Variants in ABL2 observed in about 807,000 individuals in gnomAD.
ABL2 encodes tyrosine-protein kinase ABL2.
Under a neutral mutation model 107.7 loss-of-function variants are expected in ABL2, and 49 were observed. The ratio of observed to expected loss-of-function variants is 0.45; its 90% CI spans 0.36 to 0.58. The LOEUF is 0.58. Ranked by LOEUF, ABL2 falls within the 20% of genes least tolerant of loss-of-function variation. The pLI is 0.00. For missense variants in ABL2, 1,245 were observed against 1,457.0 expected (o/e 0.85, Z 2.37); for synonymous variants, 549 against 548.6 (o/e 1.00, Z -0.01).
intron 1 of ABL2, among the ~76,000 whole-genome samples, chr1:179,228,379 A>G (rs990212408): frequency 1.3e-5 from 2 of 152,106 alleles, no homozygotes; most frequent in Admixed American, 6.5e-5. Context: ...AAACAAAAAA[A>G]CAAGACAAAA....
At chr1:179,173,978 G>A (rs1659878141) in intron 1 of ABL2, among the ~76,000 whole-genome samples, 1 of 152,192 alleles carries the variant, frequency 6.6e-6, no homozygotes, top group Admixed American at 6.5e-5. Context: ...GTATGATATT[G>A]TTACTTGCAA....
intron 1 of ABL2, among the ~76,000 whole-genome samples, chr1:179,157,882 T>C (rs1235275143): frequency 1.3e-5 from 2 of 152,090 alleles, no homozygotes; most frequent in Non-Finnish European, 2.9e-5. Context: ...AATTACAGAA[T>C]CTTTAAGCAT....
At position 179,102,269 on chromosome 1, in the gene ABL2, C is replaced by A. The variant is rs767430549; in HGVS notation, c.*5449G>T. The A allele has an allele frequency of 8.9e-5, 16 of 180,298 alleles. No homozygotes were observed. Among genetic ancestry groups the A allele is most frequent in the Admixed American group, 7.6e-4 (12 of 15,888 alleles). 11.2% of individuals were successfully genotyped at this position (180,298 alleles called of 1,614,324 possible). The stretch of plus-strand genomic sequence containing the variant: ...CTCGTGATCCACCCGCCTCAGCCCC[C>A]CAAAGTGCTGGGATTACAGGCGTGA... On this transcript the variant is annotated 3_prime_UTR_variant, in exon 12 of 12. Transcript: ENST00000502732.
intron 4 of ABL2, among the ~76,000 whole-genome samples, chr1:179,122,075 C>T (rs796751379): frequency 2.0e-5 from 3 of 151,130 alleles, no homozygotes; most frequent in South Asian, 2.1e-4. Context: ...TATAGGCGCC[C>T]GCCACCATGC....
chr1:179,136,262 T>C (rs1265763188), intron 1 of ABL2, among the ~76,000 whole-genome samples: 1 of 151,374 alleles, frequency 6.6e-6, no homozygotes, highest in Non-Finnish European at 1.5e-5. Context: ...TTTTGTGGAA[T>C]AGAAAGGGGG....
At chr1:179,195,104 A>G (rs896170036) in intron 1 of ABL2, among the ~76,000 whole-genome samples, 1 of 152,140 alleles carries the variant, frequency 6.6e-6, no homozygotes, top group Non-Finnish European at 1.5e-5. Flanking sequence ...CCTGGCCAAC[A>G]AGGTGAAACC....
intron 1 of ABL2, among the ~76,000 whole-genome samples, chr1:179,148,788 T>C (rs1164394304): frequency 6.6e-6 from 1 of 151,222 alleles, no homozygotes; most frequent in East Asian, 2.0e-4. Context: ...TAATCCCAGC[T>C]ACTCAGGAGG....
intron 1 of ABL2, among the ~76,000 whole-genome samples, chr1:179,204,804 A>G (rs1360480786): frequency 6.6e-6 from 1 of 152,066 alleles, no homozygotes; most frequent in Non-Finnish European, 1.5e-5. Context: ...AGACCAACTG[A>G]TAACTTATTT....
At chr1:179,137,760 T>C (rs1278896579) in intron 1 of ABL2, 1 of 152,202 alleles carries the variant, frequency 6.6e-6, no homozygotes, top group African/African-American at 2.4e-5. Flanking sequence ...AGGACAGTGA[T>C]GCAATATTGA....
At chr1:179,203,214 T>C (rs1163933393) in intron 1 of ABL2, among the ~76,000 whole-genome samples, 2 of 152,258 alleles carry the variant, frequency 1.3e-5, no homozygotes, top group African/African-American at 2.4e-5. Context: ...TTATATTTTT[T>C]CTATTTCCTA....
rs750118583 is a variant in ABL2 at position 179,110,420 on chromosome 1, A to G, written c.1687T>C (p.Ser563Pro). 2 of 1,613,826 alleles carry G rather than the reference A, an allele frequency of 1.2e-6. No individual in the cohort carries two copies. The highest frequency in any genetic ancestry group is 2.7e-5 in the African/African-American group (2 of 74,904). ...CGGGGCAGGTATGGAACAACAGATG[A>G]CGAGGAGGCGGCTCTCCCAAGCTCC... ...AEELGRAASSSSVVPYLPRLP... is the reference protein window; with the variant it reads ...AEELGRAASSPSVVPYLPRLP... The change falls in exon 11 of 12, where the codon TCA becomes CCA. Residue 563 changes from serine (S) to proline (P), a missense_variant. By Grantham distance (74) the Ser-to-Pro change is moderately conservative (BLOSUM62 -1). Coordinates refer to ENST00000502732, the MANE Select transcript of ABL2 (RefSeq NM_007314.4).
chr1:179,127,296 A>G (rs1476375492), intron 3 of ABL2, among the ~76,000 whole-genome samples: 2 of 152,236 alleles, frequency 1.3e-5, no homozygotes, highest in Non-Finnish European at 2.9e-5. Flanking sequence ...CCAAAACACA[A>G]TCCCTTCCAG....
At chr1:179,135,271 C>T (rs1377819389) in intron 1 of ABL2, among the ~76,000 whole-genome samples, 1 of 151,456 alleles carries the variant, frequency 6.6e-6, no homozygotes, top group Admixed American at 6.6e-5. Context: ...GCCGCCATCC[C>T]ATCTAGGAAG....
chr1:179,195,837 C>G (rs1661278552), intron 1 of ABL2, among the ~76,000 whole-genome samples: 1 of 152,104 alleles, frequency 6.6e-6, no homozygotes, highest in South Asian at 2.1e-4. Context: ...AGTAGTCAAA[C>G]TCATAAAGGC....
intron 1 of ABL2, among the ~76,000 whole-genome samples, chr1:179,180,891 C>G (rs1660340185): frequency 6.6e-6 from 1 of 152,130 alleles, no homozygotes; most frequent in Non-Finnish European, 1.5e-5. Flanking sequence ...TCCAAGTCCG[C>G]CCCCTACCAC....
At chr1:179,213,173 TA>T (rs965343539) in intron 1 of ABL2, among the ~76,000 whole-genome samples, 1 of 152,072 alleles carries the variant, frequency 6.6e-6, no homozygotes, top group Admixed American at 6.5e-5. Context: ...AAATATTATT[TA>T]AAACATGTAA....
chr1:179,163,021 A>G (rs1403730861), intron 1 of ABL2, among the ~76,000 whole-genome samples: 2 of 152,232 alleles, frequency 1.3e-5, no homozygotes, highest in Non-Finnish European at 2.9e-5. Context: ...CTGTTGGTAC[A>G]AAGCCCAAGC....
intron 3 of ABL2, among the ~76,000 whole-genome samples, chr1:179,128,784 A>G (rs1026895485): frequency 2.0e-5 from 3 of 152,210 alleles, no homozygotes; most frequent in African/African-American, 7.2e-5. Context: ...CTCAGGCTCA[A>G]GTGATCCTCA....
intron 1 of ABL2, chr1:179,137,725 C>T (rs1417719884): frequency 6.6e-6 from 1 of 152,132 alleles, no homozygotes; most frequent in Non-Finnish European, 1.5e-5. Context: ...GTTTACAAAA[C>T]AGTAATTTGA....
Sources: gnomAD v4.1 joint callset for allele counts (sites outside exome capture counted in the v4.1 genomes callset) on GRCh38, gnomAD v4.1.1 for gene constraint, MANE v1.5 for transcripts, NCBI Gene and HGNC (gene_info 2026-07-23, HGNC 2026-07-21) for gene names.